Variants in KIF11 observed in about 807,000 individuals in gnomAD.
KIF11 encodes the protein kinesin family member 11.
KIF11 carries 9 observed loss-of-function variants against 121.0 expected under a neutral mutation model. The ratio of observed to expected loss-of-function variants is 0.07; its 90% CI spans 0.04 to 0.13. The LOEUF (loss-of-function observed/expected upper bound fraction) is 0.13, where lower values mean the gene tolerates loss of function less well. Among genes scored for constraint, KIF11 ranks in the 10% least tolerant of loss-of-function variants. The probability of loss-of-function intolerance (pLI) is 1.00; values close to 1 mark genes in which losing one functional copy is unlikely to be tolerated. For missense variants in KIF11, 846 were observed against 1,217.5 expected (o/e 0.69, Z 4.54); for synonymous variants, 408 against 421.0 (o/e 0.97, Z 0.38).
At chr10:92,615,842 G>GT (rs71481176) in intron 8 of KIF11, among the ~76,000 whole-genome samples, 233 of 129,918 alleles carry the variant, frequency 1.8e-3, no homozygotes, top group Middle Eastern at 3.7e-3. Flanking sequence ...GGATTTTTTT[G>GT]TTTTTTTTTT....
At chr10:92,640,808 G>A (rs2135921013) in intron 17 of KIF11, among the ~76,000 whole-genome samples, 1 of 151,888 alleles carries the variant, frequency 6.6e-6, no homozygotes, top group Non-Finnish European at 1.5e-5. Context: ...GTGCAGTGGT[G>A]TGATCTTGGC....
intron 1 of KIF11, among the ~76,000 whole-genome samples, chr10:92,598,751 C>T (rs954206869): frequency 6.6e-6 from 1 of 151,886 alleles, no homozygotes; most frequent in Non-Finnish European, 1.5e-5. Context: ...TTATTTATGC[C>T]CCTTAATTTC....
At chr10:92,638,060 T>C (rs1225804326) in intron 16 of KIF11, among the ~76,000 whole-genome samples, 1 of 152,228 alleles carries the variant, frequency 6.6e-6, no homozygotes, top group East Asian at 1.9e-4. Flanking sequence ...TTCCTCATTA[T>C]ATGAGGCTTT....
At chr10:92,612,906 C>A (rs891831924) in intron 6 of KIF11, 134 bp from the exon 7 acceptor site, 2 of 564,824 alleles carry the variant, frequency 3.5e-6, no homozygotes, top group African/African-American at 3.8e-5. Context: ...CCAAAATATT[C>A]TTGATATCTC....
rs746096316 is a variant in KIF11 at position 92,603,263 on chromosome 10, C to CTGT, written c.78-3001_78-3000insGTT. ...CCCTTAAACTGCTTTCTTTTCTTTT[C>CTGT]TTTTTTTTTTTTTTTTTTTGAGACA... is the stretch of plus-strand genomic sequence containing the variant. On this transcript the variant is annotated intron_variant, in intron 1 of 21. Coordinates refer to ENST00000260731, the MANE Select transcript of KIF11 (RefSeq NM_004523.4). Among the ~76,000 whole-genome samples the CTGT allele has an allele frequency of 5.5e-5, 6 of 109,172 alleles. 1 individual carries two copies. In the East Asian group the frequency reaches 1.7e-3, roughly 31 times the overall value. The allele number at this position is 109,172 out of a possible 152,430, so 71.6% of individuals were successfully genotyped here.
At chr10:92,604,117 G>C (rs1267464496) in intron 1 of KIF11, among the ~76,000 whole-genome samples, 1 of 152,120 alleles carries the variant, frequency 6.6e-6, no homozygotes, top group African/African-American at 2.4e-5. Context: ...CAAATTGATG[G>C]ATTTGTTAGT....
chr10:92,635,535 G>A (rs1293346806), intron 14 of KIF11, among the ~76,000 whole-genome samples: 5 of 152,116 alleles, frequency 3.3e-5, no homozygotes, highest in Non-Finnish European at 7.3e-5. Context: ...AGTTACATTT[G>A]CTGTCTTATA....
At chr10:92,649,584 TA>T (rs1355329904) in intron 19 of KIF11, among the ~76,000 whole-genome samples, 1 of 152,194 alleles carries the variant, frequency 6.6e-6, no homozygotes, top group East Asian at 1.9e-4. Context: ...ATCTTTTATA[TA>T]TCCTCAGAGA....
Position 92,613,089 on chromosome 10 carries a change from A to G in KIF11, c.748A>G (p.Ile250Val), listed in dbSNP as rs1844514640. ...SVTIHMKETTIDGEELVKIGK... is the reference protein window; with the variant it reads ...SVTIHMKETTVDGEELVKIGK... ...TACAATACATATGAAAGAAACTACG[A>G]TTGATGGAGAAGAGCTTGTTAAAAT... Residue 250 changes from isoleucine to valine, a missense_variant, in exon 7 of 22, where the codon ATT becomes GTT. This residue lies in a region of KIF11 where 116 missense variants were observed against 285.3 expected (regional missense o/e 0.41). Transcript: ENST00000260731. The surrounding 1 kb of genome is among the most constrained non-coding windows in gnomAD (Gnocchi z 4.2). 6.2e-7 allele frequency: 1 copy of G among 1,612,630 alleles called. No individual in the cohort carries two copies. The highest frequency in any genetic ancestry group is 1.7e-5 in the Admixed American group (1 of 59,826).
chr10:92,631,966 C>T (rs552979039), intron 12 of KIF11, among the ~76,000 whole-genome samples: 2 of 152,180 alleles, frequency 1.3e-5, no homozygotes, highest in South Asian at 2.1e-4. Flanking sequence ...TAAGCCACCA[C>T]GTCCGGCCAT....
At chr10:92,595,523 C>T (rs1844284514) in intron 1 of KIF11, among the ~76,000 whole-genome samples, 1 of 152,018 alleles carries the variant, frequency 6.6e-6, no homozygotes, top group Admixed American at 6.6e-5. Flanking sequence ...TTTCTTATGT[C>T]CCTCCTATTC....
Position 92,606,671 on chromosome 10 carries a change from C to A in KIF11, c.263C>A (p.Pro88Gln). 1 of 1,593,012 alleles carries A rather than the reference C, an allele frequency of 6.3e-7. No individual in the cohort carries two copies. The highest frequency in any genetic ancestry group is 1.1e-5 in the South Asian group (1 of 90,564). The change falls in exon 3 of 22, where the codon CCA becomes CAA. Residue 88 changes from proline to glutamine, a missense_variant. Pro to Gln is a moderately conservative substitution (Grantham distance 76). Transcript: ENST00000260731. ...QIDVYRSVVC[P>Q]ILDEVIMGYN... Reference sequence around the variant, plus strand: ...GATGTTTACCGAAGTGTTGTTTGTCCAATTCTGGATGAAGTTATTATGGGC... The same window carrying A: ...GATGTTTACCGAAGTGTTGTTTGTCAAATTCTGGATGAAGTTATTATGGGC...
intron 6 of KIF11, among the ~76,000 whole-genome samples, chr10:92,612,396 C>G (rs186948194): frequency 4.6e-5 from 7 of 152,260 alleles, no homozygotes; most frequent in African/African-American, 1.7e-4. Context: ...CCTTGGCCTC[C>G]CAAAGTGTTG....
At position 92,653,844 on chromosome 10, in the gene KIF11, A is replaced by C. The variant is rs1845015063; in HGVS notation, c.*48A>C. 4 of 1,514,832 alleles carry C rather than the reference A, an allele frequency of 2.6e-6. No homozygotes were observed. Among genetic ancestry groups the C allele is most frequent in the Non-Finnish European group, 3.6e-6 (4 of 1,105,022 alleles). The allele number at this position is 1,514,832 out of a possible 1,614,324, so 93.8% of individuals were successfully genotyped here. A position where few individuals can be genotyped will look rare whatever the true frequency, so the allele number is the denominator to read the frequency against. ...TATTTTTAAAGAAAACTTAAAAATA[A>C]AACCTGAAACCCCAGAACTTGAGCC... On this transcript the variant is annotated 3_prime_UTR_variant, in exon 22 of 22. Transcript: ENST00000260731.
At chr10:92,649,712 CAT>C in intron 19 of KIF11, 121 bp from the exon 20 acceptor site, 1 of 627,520 alleles carries the variant, frequency 1.6e-6, no homozygotes, top group Non-Finnish European at 2.7e-6. Flanking sequence ...GACTGATCCT[CAT>C]ATATGGCAAT....
chr10:92,595,871 C>G (rs1844289743), intron 1 of KIF11, among the ~76,000 whole-genome samples: 1 of 152,156 alleles, frequency 6.6e-6, no homozygotes, highest in South Asian at 2.1e-4. Context: ...ATAATGTCCT[C>G]CAGGTTGGAC....
intron 2 of KIF11, 67 bp from the exon 3 acceptor site, chr10:92,606,552 G>T: frequency 8.0e-7 from 1 of 1,251,340 alleles, no homozygotes; most frequent in South Asian, 1.4e-5. Flanking sequence ...GTTAACATAC[G>T]AAAAACAAAA....
intron 1 of KIF11, among the ~76,000 whole-genome samples, chr10:92,597,596 A>G (rs779784026): frequency 1.3e-5 from 2 of 151,584 alleles, no homozygotes; most frequent in Non-Finnish European, 2.9e-5. Flanking sequence ...ATCTTGCACT[A>G]TGATGGAGAA....
At chr10:92,630,882 A>C (rs188586206) in intron 12 of KIF11, among the ~76,000 whole-genome samples, 5 of 150,802 alleles carry the variant, frequency 3.3e-5, no homozygotes, top group Non-Finnish European at 4.4e-5. Flanking sequence ...AAAAAAAAAA[A>C]AAAGAAAATA....
Sources: gnomAD v4.1 joint callset for allele counts (sites outside exome capture counted in the v4.1 genomes callset) on GRCh38, gnomAD v4.1.1 for gene constraint, gnomAD v4.1.1 regional missense constraint, Gnocchi (gnomAD v3.1) non-coding constraint, MANE v1.5 for transcripts, NCBI Gene and HGNC (gene_info 2026-07-23, HGNC 2026-07-21) for gene names.